Variants in TANC1 observed in about 807,000 individuals in gnomAD.
TANC1 encodes the protein tetratricopeptide repeat, ankyrin repeat and coiled-coil containing 1.
TANC1 carries 77 observed loss-of-function variants against 149.7 expected under a neutral mutation model. That is an observed-to-expected ratio of 0.51 (90% confidence interval 0.43 to 0.62). The LOEUF is 0.62. Among genes scored for constraint, TANC1 ranks in the 20% least tolerant of loss-of-function variants. TANC1 has a pLI of 0.00. For missense variants in TANC1, 1,985 were observed against 2,321.8 expected (o/e 0.85, Z 2.98); for synonymous variants, 854 against 925.0 (o/e 0.92, Z 1.39).
chr2:159,163,225 AT>A, intron 7 of TANC1, 57 bp from the exon 8 acceptor site: 1 of 1,553,980 alleles, frequency 6.4e-7, no homozygotes, highest in South Asian at 1.2e-5. Flanking sequence ...GCATGTTTTA[AT>A]TCTTCAGCCC....
chr2:159,189,389 G>A (rs981174678), intron 16 of TANC1, among the ~76,000 whole-genome samples: 1 of 152,180 alleles, frequency 6.6e-6, no homozygotes, highest in African/African-American at 2.4e-5. Flanking sequence ...GGGTGATGTG[G>A]ACAGGAGGGC....
intron 4 of TANC1, among the ~76,000 whole-genome samples, chr2:159,127,149 G>A (rs1209277283): frequency 3.3e-5 from 5 of 152,148 alleles, no homozygotes; most frequent in East Asian, 1.9e-4. Flanking sequence ...AAAAGTGGGC[G>A]AAGGACATGA....
chr2:159,036,524 G>A (rs1559156648), intron 2 of TANC1, among the ~76,000 whole-genome samples: 1 of 151,698 alleles, frequency 6.6e-6, no homozygotes, highest in Non-Finnish European at 1.5e-5. Context: ...CCCACCCCAT[G>A]ACAGGCCCTC....
intron 4 of TANC1, among the ~76,000 whole-genome samples, chr2:159,099,233 TC>T (rs1281339503): frequency 1.3e-5 from 2 of 152,174 alleles, no homozygotes; most frequent in African/African-American, 4.8e-5. Flanking sequence ...TGAAGTAATT[TC>T]CTGTGCCAAG....
intron 2 of TANC1, among the ~76,000 whole-genome samples, chr2:159,022,327 C>G (rs1321085754): frequency 6.6e-6 from 1 of 152,206 alleles, no homozygotes; most frequent in Non-Finnish European, 1.5e-5. Flanking sequence ...GGGTACACAC[C>G]AGCGTGTATG....
Position 159,041,072 on chromosome 2 carries a change from G to A in TANC1, c.-15-24824G>A, listed in dbSNP as rs6724345. ...TGGAGGTTCACTACAGACCCTGTTT[G>A]CCTGGGTATCACCAGCAGAGGCTGC... On this transcript the variant is annotated intron_variant, in intron 2 of 26. Transcript: ENST00000263635. Among the ~76,000 whole-genome samples the A allele has an allele frequency of 5.7e-3, 869 of 152,320 alleles. 11 individuals carry two copies. Among genetic ancestry groups the A allele is most frequent in the African/African-American group, 0.02 (826 of 41,558 alleles).
intron 2 of TANC1, among the ~76,000 whole-genome samples, chr2:159,025,252 C>T (rs200905467): frequency 3.5e-5 from 2 of 57,082 alleles, no homozygotes; most frequent in East Asian, 5.2e-4. Flanking sequence ...CTCCTTCCTT[C>T]TCCTTCCTTC....
In TANC1 at chr2:159,093,325, A is replaced by G. The variant is rs956316535; in HGVS notation, c.62-4312A>G. ...ATATGCCAGCTGTGCTGGTTGTTGC[A>G]GTGAAACATCTTTAATTCCTCTTAA... On this transcript the variant is annotated intron_variant, in intron 3 of 26. Coordinates refer to ENST00000263635, the MANE Select transcript of TANC1 (RefSeq NM_033394.3). Among the ~76,000 whole-genome samples the G allele has an allele frequency of 1.2e-4, 19 of 152,362 alleles. 1 individual carries two copies. Among genetic ancestry groups the G allele is most frequent in the South Asian group, 1.0e-3 (5 of 4,832 alleles).
intron 2 of TANC1, among the ~76,000 whole-genome samples, chr2:159,030,560 C>T (rs2039698832): frequency 6.6e-6 from 1 of 152,170 alleles, no homozygotes; most frequent in Non-Finnish European, 1.5e-5. Context: ...CTCCTCTATT[C>T]AGAGAAGACA....
chr2:158,971,002 T>G (rs188729812), intron 1 of TANC1, among the ~76,000 whole-genome samples: 103 of 152,346 alleles, frequency 6.8e-4, no homozygotes, highest in African/African-American at 2.4e-3. Flanking sequence ...AACTGATTCA[T>G]AGTCAGCCTT....
intron 3 of TANC1, among the ~76,000 whole-genome samples, chr2:159,074,984 T>C (rs991275359): frequency 1.3e-5 from 2 of 152,088 alleles, no homozygotes; most frequent in Non-Finnish European, 2.9e-5. Context: ...CCAACCTAAT[T>C]GTCTCCCAAA....
In TANC1 at chr2:159,150,575, G is replaced by C; in HGVS notation, c.682+19G>C. 6.3e-7 allele frequency: 1 copy of C among 1,589,804 alleles called. No homozygotes were observed. Among genetic ancestry groups the C allele is most frequent in the Non-Finnish European group, 8.6e-7 (1 of 1,158,198 alleles). ...ATTATAGGTAAGAAGCACACTGCTC[G>C]GTAACATAATGGCTCGAATCTCATC... On this transcript the variant is annotated intron_variant, in intron 7 of 26. Coordinates refer to ENST00000263635, the MANE Select transcript of TANC1 (RefSeq NM_033394.3).
chr2:159,207,648 G>A (rs111640264), intron 19 of TANC1, among the ~76,000 whole-genome samples: 5,906 of 132,778 alleles, frequency 0.044, 160 homozygotes, highest in Non-Finnish European at 0.06. Flanking sequence ...GCAGTGAGCC[G>A]AGATCGCGCC....
chr2:159,124,299 G>C (rs886182746), intron 4 of TANC1, among the ~76,000 whole-genome samples: 1 of 152,102 alleles, frequency 6.6e-6, no homozygotes, highest in African/African-American at 2.4e-5. Flanking sequence ...AGCTGAGATC[G>C]CACCACTGCA....
Position 159,184,232 on chromosome 2 carries a change from A to G in TANC1, c.2511-1559A>G, listed in dbSNP as rs543432764. On this transcript the variant is annotated intron_variant, in intron 14 of 26. Transcript: ENST00000263635. The stretch of plus-strand genomic sequence containing the variant: ...GTTTCTGCATCTGGCATAGAGTAAG[A>G]GCTTGATACCTGGAAGCTTTGGAAA... 2.0e-5 allele frequency among the ~76,000 whole-genome samples: 3 copies of G among 152,358 alleles called. No homozygotes were observed. The South Asian group carries it at 6.2e-4, about 32-fold the overall frequency.
At chr2:159,181,532 C>T (rs998549625) in intron 14 of TANC1, among the ~76,000 whole-genome samples, 2 of 152,128 alleles carry the variant, frequency 1.3e-5, no homozygotes, top group Non-Finnish European at 2.9e-5. Context: ...CTCCTGACCT[C>T]GTGATCCGCC....
At chr2:159,196,904 G>T in intron 18 of TANC1, 111 bp downstream of exon 18, 1 of 1,012,984 alleles carries the variant, frequency 9.9e-7, no homozygotes, top group South Asian at 1.6e-5. Flanking sequence ...AGCATTTGGC[G>T]TTGACCACCT....
chr2:159,219,207 G>C, intron 20 of TANC1, 31 bp from the exon 21 acceptor site: 1 of 1,613,566 alleles, frequency 6.2e-7, no homozygotes, highest in South Asian at 1.1e-5. Context: ...AAATGCAGCA[G>C]GAGGATGGTA....
At chr2:159,167,706 C>T (rs1347554708) in intron 8 of TANC1, among the ~76,000 whole-genome samples, 1 of 152,064 alleles carries the variant, frequency 6.6e-6, no homozygotes, top group African/African-American at 2.4e-5. Flanking sequence ...GTTGGATTGC[C>T]CTTTGGAGGA....
Sources: allele counts gnomAD v4.1 joint callset (sites outside exome capture counted in the v4.1 genomes callset), GRCh38; gene constraint gnomAD v4.1.1; transcripts MANE v1.5; gene names NCBI Gene and HGNC (gene_info 2026-07-23, HGNC 2026-07-21).